Variants in REC114 observed in about 807,000 individuals in gnomAD.
REC114 encodes REC114 meiotic recombination protein.
Under a neutral mutation model 31.3 loss-of-function variants are expected in REC114, and 27 were observed. The observed-to-expected ratio is 0.86, with a 90% CI of 0.64 to 1.19. The LOEUF is 1.19. Among genes scored for constraint, REC114 ranks in the 50% most tolerant of loss-of-function variants. REC114 has a pLI of 0.00. For missense variants in REC114, 344 were observed against 326.9 expected (o/e 1.05, Z -0.40); for synonymous variants, 134 against 127.7 (o/e 1.05, Z -0.33).
intron 1 of REC114, among the ~76,000 whole-genome samples, chr15:73,471,895 T>C (rs1423521856): frequency 2.0e-5 from 3 of 152,202 alleles, no homozygotes; most frequent in Non-Finnish European, 2.9e-5. Flanking sequence ...TTCTTTATGA[T>C]TCCACTCATA....
At chr15:73,470,346 A>T (rs1893117388) in intron 1 of REC114, among the ~76,000 whole-genome samples, 1 of 151,926 alleles carries the variant, frequency 6.6e-6, no homozygotes, top group African/African-American at 2.4e-5. Flanking sequence ...TATTTCCTGC[A>T]CTCTTCATTC....
chr15:73,552,530 G>GTT (rs1894407196), intron 4 of REC114, among the ~76,000 whole-genome samples: 1 of 152,210 alleles, frequency 6.6e-6, no homozygotes, highest in East Asian at 1.9e-4. Context: ...CCAGATAAAT[G>GTT]TAACTCAGAT....
At chr15:73,475,612 A>T (rs1893200561) in intron 2 of REC114, among the ~76,000 whole-genome samples, 2 of 152,230 alleles carry the variant, frequency 1.3e-5, no homozygotes, top group Admixed American at 1.3e-4. Flanking sequence ...AATGTTTTTT[A>T]AAATTTTTTT....
chr15:73,559,750 A>G lies in REC114; in HGVS notation c.637-2A>G. On this transcript the variant is annotated splice_acceptor_variant, in intron 5 of 5. Transcript: ENST00000331090. LOFTEE classifies it high-confidence loss of function. ...GTAACGACTTTTCTGGTATCCCTGC[A>G]GACTCTTCTGGCATCGGAGGAGCTG... is the stretch of plus-strand genomic sequence containing the variant. 6.4e-7 allele frequency: 1 copy of G among 1,557,292 alleles called. No homozygotes were observed. The highest frequency in any genetic ancestry group is 8.6e-7 in the Non-Finnish European group (1 of 1,159,174).
chr15:73,492,964 T>C (rs1253980602), intron 2 of REC114, among the ~76,000 whole-genome samples: 1 of 152,072 alleles, frequency 6.6e-6, no homozygotes, highest in Non-Finnish European at 1.5e-5. Context: ...GTTATCTTTA[T>C]GTAGTTTTTA....
At chr15:73,481,476 G>C (rs910431342) in intron 2 of REC114, among the ~76,000 whole-genome samples, 1 of 151,928 alleles carries the variant, frequency 6.6e-6, no homozygotes, top group Non-Finnish European at 1.5e-5. Flanking sequence ...ATAGCAAGAA[G>C]GCTGAGATAT....
intron 3 of REC114, among the ~76,000 whole-genome samples, chr15:73,547,187 A>T (rs1008080100): frequency 1.3e-4 from 20 of 152,220 alleles, no homozygotes; most frequent in African/African-American, 3.9e-4. Context: ...TAAGGAGCTC[A>T]GACAACTCAA....
rs183065402 is a variant in REC114 at position 73,557,671 on chromosome 15, A to G, written c.636+1280A>G. Among the ~76,000 whole-genome samples the G allele has an allele frequency of 6.0e-4, 91 of 152,342 alleles. No homozygotes were observed. In the South Asian group the frequency reaches 0.012, roughly 20 times the overall value. ...GAAAACAGAGCTGCAATAAAACAAT[A>G]AGCAAGGCAGGGTGTGATGTCCTTA... is the stretch of plus-strand genomic sequence containing the variant. On this transcript the variant is annotated intron_variant, in intron 5 of 5. Transcript: ENST00000331090.
intron 2 of REC114, among the ~76,000 whole-genome samples, chr15:73,518,055 C>T (rs1022822136): frequency 1.2e-4 from 19 of 152,264 alleles, no homozygotes; most frequent in African/African-American, 3.9e-4. Flanking sequence ...AGATAAAAAA[C>T]CAATTTGTTA....
chr15:73,453,106 T>G (rs1892872484), intron 1 of REC114, among the ~76,000 whole-genome samples: 1 of 152,096 alleles, frequency 6.6e-6, no homozygotes, highest in South Asian at 2.1e-4. Flanking sequence ...CCAAAAGCAA[T>G]GGCAACAAAA....
intron 1 of REC114, among the ~76,000 whole-genome samples, chr15:73,455,712 A>G (rs1191849294): frequency 1.3e-5 from 2 of 152,216 alleles, no homozygotes; most frequent in Non-Finnish European, 2.9e-5. Flanking sequence ...GTCTAGAGAT[A>G]AACACAATTC....
chr15:73,554,233 G>A (rs1894431025), intron 4 of REC114, among the ~76,000 whole-genome samples: 1 of 152,136 alleles, frequency 6.6e-6, no homozygotes, highest in Non-Finnish European at 1.5e-5. Flanking sequence ...GACCTTGTGA[G>A]GCACCACCTA....
At position 73,559,921 on chromosome 15, in the gene REC114, C is replaced by T. The variant is rs1555405402; in HGVS notation, c.*5C>T. 1.3e-6 allele frequency: 2 copies of T among 1,598,000 alleles called. No individual in the cohort carries two copies. Among genetic ancestry groups the T allele is most frequent in the Non-Finnish European group, 1.7e-6 (2 of 1,175,334 alleles). ...CTGGCGGGTTTGAGAAATTAATGCT[C>T]TATATACATATATAACTAAGGAACT... On this transcript the variant is annotated 3_prime_UTR_variant, in exon 6 of 6. Transcript: ENST00000331090.
intron 2 of REC114, among the ~76,000 whole-genome samples, chr15:73,490,374 A>G (rs866317115): frequency 1.3e-5 from 2 of 152,214 alleles, no homozygotes; most frequent in African/African-American, 2.4e-5. Context: ...TTTGTCATTG[A>G]CTATTCTTAA....
At chr15:73,534,025 C>T (rs1330100989) in intron 2 of REC114, among the ~76,000 whole-genome samples, 6 of 124,190 alleles carry the variant, frequency 4.8e-5, no homozygotes, top group South Asian at 3.4e-4. Flanking sequence ...ATCTCTGGGA[C>T]GCATTCAAAG....
intron 2 of REC114, among the ~76,000 whole-genome samples, chr15:73,514,844 C>T (rs1004331393): frequency 2.0e-4 from 31 of 151,468 alleles, no homozygotes; most frequent in African/African-American, 7.5e-4. Context: ...TATTTATCTG[C>T]TGTAATTGGC....
intron 1 of REC114, among the ~76,000 whole-genome samples, chr15:73,473,343 C>A (rs778277353): frequency 1.3e-5 from 2 of 150,272 alleles, no homozygotes; most frequent in East Asian, 2.0e-4. Flanking sequence ...GAGCCGAGAT[C>A]ACACCATTGC....
In REC114 at chr15:73,540,562, G is replaced by C. The variant is rs769914170; in HGVS notation, c.327G>C (p.Thr109=). ...RRVDCLLFGT[T]IKDKSRLFRV... ...TGGATTGTCTGTTGTTTGGAACAAC[G>C]ATAAAGGCAAGATTTAAGCTAATGA... The change falls in exon 3 of 6, where the codon ACG becomes ACC. Residue 109 remains threonine (T), a synonymous_variant. Transcript: ENST00000331090. The C allele has an allele frequency of 6.2e-7, 1 of 1,611,730 alleles. No individual in the cohort carries two copies. Among genetic ancestry groups the C allele is most frequent in the African/African-American group, 1.3e-5 (1 of 74,878 alleles).
chr15:73,503,414 C>T (rs968162660), intron 2 of REC114, among the ~76,000 whole-genome samples: 1 of 151,778 alleles, frequency 6.6e-6, no homozygotes, highest in Non-Finnish European at 1.5e-5. Context: ...AAATTTTTTC[C>T]GTATCTTTTA....
Sources: gnomAD v4.1 joint callset for allele counts (sites outside exome capture counted in the v4.1 genomes callset) on GRCh38, gnomAD v4.1.1 for gene constraint, MANE v1.5 for transcripts, NCBI Gene and HGNC (gene_info 2026-07-23, HGNC 2026-07-21) for gene names.